ZNF44: variants seen among roughly 807,000 people sequenced by gnomAD.
ZNF44 encodes the protein gonadotropin inducible transcription repressor-2.
In ZNF44, 9 loss-of-function variants were observed where a neutral mutation model predicts 11.7. That is an observed-to-expected ratio of 0.77 (90% CI 0.46 to 1.35). The LOEUF is 1.35. Ranked by LOEUF, ZNF44 falls within the 40% of genes most tolerant of loss-of-function variation. The pLI, the probability that ZNF44 is intolerant of heterozygous loss-of-function variation, is 0.00. For synonymous variants in ZNF44, 224 were observed against 242.7 expected, an observed-to-expected ratio of 0.92 and a Z score of 0.72; for missense variants, 696 against 743.1, an observed-to-expected ratio of 0.94 and a Z score of 0.74.
At chr19:12,248,782 AT>A in intron 7 of ZNF44, 1 of 723,174 alleles carries the variant, frequency 1.4e-6, no homozygotes, top group Non-Finnish European at 1.9e-6. Flanking sequence ...GAAAGTACAG[AT>A]TTTTTTGTCC....
At chr19:12,242,421 A>G (rs577842684), upstream of ZNF44, among the ~76,000 whole-genome samples, 293 of 151,226 alleles carry the variant, frequency 1.9e-3, no homozygotes, top group Non-Finnish European at 3.0e-3. Context: ...GAGGCAGGAG[A>G]ATAGCGTGAA....
intron 2 of ZNF44, among the ~76,000 whole-genome samples, chr19:12,231,358 TC>T (rs1162224984): frequency 6.6e-6 from 1 of 151,702 alleles, no homozygotes; most frequent in Non-Finnish European, 1.5e-5. Flanking sequence ...CTGCTGTCCC[TC>T]CCCGCCACTG....
intron 3 of ZNF44, among the ~76,000 whole-genome samples, chr19:12,230,279 C>T (rs1479084195): frequency 1.3e-5 from 2 of 152,154 alleles, no homozygotes; most frequent in African/African-American, 4.8e-5. Flanking sequence ...TTGTTCTAGG[C>T]GTCCCCAGAC....
downstream of ZNF44, chr19:12,247,405 G>A (rs781601006): frequency 1.5e-6 from 2 of 1,312,432 alleles, no homozygotes; most frequent in Non-Finnish European, 2.0e-6. Context: ...AAGCCTGTAA[G>A]GAAACTGAAG....
At chr19:12,246,871 AAAAC>A (rs920905634), downstream of ZNF44, among the ~76,000 whole-genome samples, 4 of 151,356 alleles carry the variant, frequency 2.6e-5, no homozygotes, top group African/African-American at 9.7e-5. Flanking sequence ...AAAAAAAAAT[AAAAC>A]AAAAAAACTG....
chr19:12,252,296 T>C (rs1444611891), intron 5 of ZNF44, among the ~76,000 whole-genome samples: 1 of 152,156 alleles, frequency 6.6e-6, no homozygotes, highest in Non-Finnish European at 1.5e-5. Context: ...GAGTGAAATA[T>C]TTAAAGTTCT....
chr19:12,286,641 AAAAG>A (rs1287420444), intron 1 of ZNF44, among the ~76,000 whole-genome samples: 1 of 151,416 alleles, frequency 6.6e-6, no homozygotes, highest in Non-Finnish European at 1.5e-5. Context: ...GGTCTCAAAA[AAAAG>A]AAAGAAAGAA....
chr19:12,250,426 C>T, intron 5 of ZNF44: 1 of 1,270,936 alleles, frequency 7.9e-7, no homozygotes, highest in Non-Finnish European at 1.0e-6. Flanking sequence ...CACTGGACAT[C>T]TATACTCGAG....
At chr19:12,228,090 C>A (rs1293428885) in intron 3 of ZNF44, among the ~76,000 whole-genome samples, 1 of 152,312 alleles carries the variant, frequency 6.6e-6, no homozygotes, top group South Asian at 2.1e-4. Context: ...GCTACCCCTT[C>A]AACTTTAGCC....
At position 12,252,105 on chromosome 19, in the gene ZNF44, AATG is replaced by A. The variant is rs539971297; in HGVS notation, c.1913-1740_1913-1738del. 3.3e-5 allele frequency among the ~76,000 whole-genome samples: 5 copies of A among 152,250 alleles called. 1 individual carries two copies. The South Asian group carries it at 1.0e-3, about 32-fold the overall frequency. On this transcript the variant is annotated intron_variant and NMD_transcript_variant, in intron 5 of 7. Coordinates refer to the ZNF44 transcript ENST00000393337. ...TACAATAAAGTGCATTAAAGTCCAC[AATG>A]ATATGATGAATTTTCACATGATTAT...
At chr19:12,230,530 G>C (rs1482103608) in intron 2 of ZNF44, 3 of 152,290 alleles carry the variant, frequency 2.0e-5, no homozygotes, top group African/African-American at 7.2e-5. Flanking sequence ...ACAAGGGAGA[G>C]AGAGAAAAGG....
chr19:12,274,026 C>A lies in ZNF44; in HGVS notation c.229G>T (p.Gly77Cys), dbSNP rs760400384. 61 of 1,613,304 alleles carry A rather than the reference C, an allele frequency of 3.8e-5. 1 individual carries two copies. The South Asian group carries it at 6.3e-4, about 17-fold the overall frequency. The change falls in exon 4 of 4, where the codon GGT becomes TGT. Residue 77 changes from glycine to cysteine, a missense_variant. By Grantham distance (159) the Gly-to-Cys change is radical (BLOSUM62 -3). Transcript: ENST00000355684. ...CTTAAGGTTTCTCCACACTGACTACCATCTTTACTTTTACCAAATCTCTCT... is the reference window on the plus strand; with the variant it reads ...CTTAAGGTTTCTCCACACTGACTACAATCTTTACTTTTACCAAATCTCTCT... Reference protein sequence around the residue: ...VVERFGKSKDGSQCGETLSQI... With the variant: ...VVERFGKSKDCSQCGETLSQI...
At chr19:12,284,373 G>A (rs1599542803) in intron 1 of ZNF44, 3 of 604,154 alleles carry the variant, frequency 5.0e-6, no homozygotes, top group Non-Finnish European at 6.1e-6. Flanking sequence ...GGGGTCCAGA[G>A]GCCCTGGGGA....
At chr19:12,237,472 TC>T in exon 1 of ZNF44, 1 of 167,558 alleles carries the variant, frequency 6.0e-6, no homozygotes, top group Non-Finnish European at 1.3e-5. Context: ...CTCCCAGGTG[TC>T]CCGGGTCCTC....
chr19:12,272,599 C>A lies in ZNF44; in HGVS notation c.1656G>T (p.Arg552Ser), dbSNP rs753031947. 1 of 1,612,928 alleles carries A rather than the reference C, an allele frequency of 6.2e-7. No individual in the cohort carries two copies. The highest frequency in any genetic ancestry group is 8.5e-7 in the Non-Finnish European group (1 of 1,179,536). Residue 552 changes from arginine to serine, a missense_variant, in exon 4 of 4, where the codon AGG (arginine) becomes AGT (serine). Transcript: ENST00000355684. Reference protein sequence around the residue: ...FWPSFLLRHERTHTGERPYEC... With the variant: ...FWPSFLLRHESTHTGERPYEC... The stretch of plus-strand genomic sequence containing the variant: ...CATAGGGTCTTTCTCCAGTGTGAGT[C>A]CTTTCATGTCTTAGAAGGAAAGAGG...
exon 8 of ZNF44, chr19:12,247,648 C>G: frequency 2.2e-6 from 3 of 1,345,256 alleles, no homozygotes; most frequent in Non-Finnish European, 3.0e-6. Context: ...TGTCTTCGGG[C>G]AGAACTGCAA....
intron 5 of ZNF44, among the ~76,000 whole-genome samples, chr19:12,266,022 C>T (rs1033924634): frequency 2.6e-5 from 4 of 152,188 alleles, no homozygotes; most frequent in African/African-American, 9.6e-5. Context: ...GGCCTGCGGG[C>T]GCGGAGCTGC....
At chr19:12,234,716 C>G (rs1916311054) in exon 2 of ZNF44, 1 of 152,230 alleles carries the variant, frequency 6.6e-6, no homozygotes, top group East Asian at 1.9e-4. Context: ...TCTACAGATT[C>G]TTCACGGAAA....
At chr19:12,242,960 A>T (rs1329831906), downstream of ZNF44, 2 of 152,246 alleles carry the variant, frequency 1.3e-5, no homozygotes, top group African/African-American at 4.8e-5. Flanking sequence ...TATTTCAGGA[A>T]GAAATTAAGA....
Sources: gnomAD v4.1 joint callset for allele counts (sites outside exome capture counted in the v4.1 genomes callset) on GRCh38, gnomAD v4.1.1 for gene constraint, MANE v1.5 for transcripts, NCBI Gene and HGNC (gene_info 2026-07-23, HGNC 2026-07-21) for gene names.